Variants in GALNT17 observed in about 807,000 individuals in gnomAD.
GALNT17 encodes UDP-GalNAc:polypeptide N-acetylgalactosaminyltransferase-like 3.
In GALNT17, 29 loss-of-function variants were observed where a neutral mutation model predicts 63.7. The observed-to-expected ratio is 0.46, with a 90% CI of 0.34 to 0.62. The LOEUF is 0.62. GALNT17 is among the 20% of genes least tolerant of loss of function. GALNT17 has a pLI of 0.01. For missense variants in GALNT17, 603 were observed against 799.6 expected (o/e 0.75, Z 2.97); for synonymous variants, 305 against 318.3 (o/e 0.96, Z 0.45).
chr7:71,251,973 G>A (rs1179792586), intron 1 of GALNT17, among the ~76,000 whole-genome samples: 1 of 152,114 alleles, frequency 6.6e-6, no homozygotes, highest in Non-Finnish European at 1.5e-5. Flanking sequence ...TGTGTAAACT[G>A]CACATTCAGC....
intron 5 of GALNT17, among the ~76,000 whole-genome samples, chr7:71,569,971 G>T (rs922258732): frequency 6.6e-5 from 10 of 151,672 alleles, no homozygotes; most frequent in African/African-American, 2.2e-4. Context: ...TTTCCACAGG[G>T]TCTAAACTAT....
intron 9 of GALNT17, among the ~76,000 whole-genome samples, chr7:71,677,957 G>C (rs1282855728): frequency 3.3e-5 from 5 of 152,052 alleles, no homozygotes. Context: ...AGCAATGCCA[G>C]ACAGGTTACT....
At chr7:71,682,616 C>T (rs1262651439) in intron 9 of GALNT17, among the ~76,000 whole-genome samples, 1 of 152,152 alleles carries the variant, frequency 6.6e-6, no homozygotes, top group Non-Finnish European at 1.5e-5. Context: ...GCAATCATAG[C>T]TCACTGCAGC....
intron 2 of GALNT17, among the ~76,000 whole-genome samples, chr7:71,350,717 T>C (rs1421563440): frequency 6.6e-6 from 1 of 152,198 alleles, no homozygotes; most frequent in African/African-American, 2.4e-5. Flanking sequence ...TTGGTATCCA[T>C]GAGGGGGTTC....
At chr7:71,584,160 T>C (rs1011122125) in intron 6 of GALNT17, among the ~76,000 whole-genome samples, 2 of 152,128 alleles carry the variant, frequency 1.3e-5, no homozygotes, top group South Asian at 4.2e-4. Flanking sequence ...AGGGCCTCCT[T>C]CTTAGAGTTT....
intron 6 of GALNT17, among the ~76,000 whole-genome samples, chr7:71,607,165 C>T (rs567712551): frequency 1.3e-5 from 2 of 152,114 alleles, no homozygotes; most frequent in African/African-American, 2.4e-5. Context: ...GAGTGAGACC[C>T]TACCTAAGAG....
At chr7:71,644,665 T>C (rs1248494069) in intron 6 of GALNT17, among the ~76,000 whole-genome samples, 1 of 151,642 alleles carries the variant, frequency 6.6e-6, no homozygotes, top group Non-Finnish European at 1.5e-5. Context: ...ACAGGAGGAT[T>C]GCTTAAGCCC....
chr7:71,489,496 A>T (rs1374898220), intron 5 of GALNT17, among the ~76,000 whole-genome samples: 2 of 152,228 alleles, frequency 1.3e-5, no homozygotes, highest in African/African-American at 4.8e-5. Flanking sequence ...GAGGATAAGA[A>T]AGCTATCACA....
At position 71,581,713 on chromosome 7, in the gene GALNT17, A is replaced by G. The variant is rs554406031; in HGVS notation, c.1080+10311A>G. Among the ~76,000 whole-genome samples, 14 of 152,286 alleles carry G rather than the reference A, an allele frequency of 9.2e-5. No homozygotes were observed. In the South Asian group the frequency reaches 2.7e-3, roughly 29 times the overall value. On this transcript the variant is annotated intron_variant, in intron 6 of 10. Transcript: ENST00000333538. ...TATCTCCCAGGCTTCCCAGCAACTGACTGCAATCCCCTAAATAGAGGACTC... is the reference window on the plus strand; with the variant it reads ...TATCTCCCAGGCTTCCCAGCAACTGGCTGCAATCCCCTAAATAGAGGACTC...
intron 5 of GALNT17, among the ~76,000 whole-genome samples, chr7:71,438,885 C>CTTTTTTT (rs199548314): frequency 1.4e-5 from 2 of 138,256 alleles, no homozygotes; most frequent in Non-Finnish European, 3.2e-5. Flanking sequence ...AAAAGATAGA[C>CTTTTTTT]TTTTTTTTTT....
At chr7:71,246,835 AAAAAG>A (rs1358106628) in intron 1 of GALNT17, among the ~76,000 whole-genome samples, 1 of 151,974 alleles carries the variant, frequency 6.6e-6, no homozygotes, top group East Asian at 1.9e-4. Flanking sequence ...TCTCAAAAAA[AAAAAG>A]AGATTATAAT....
intron 1 of GALNT17, among the ~76,000 whole-genome samples, chr7:71,159,413 C>T (rs1788298890): frequency 6.6e-6 from 1 of 151,400 alleles, no homozygotes; most frequent in Admixed American, 6.6e-5. Context: ...CCAAATCTTG[C>T]CCACATCTGT....
chr7:71,655,481 G>A (rs1285992766), intron 6 of GALNT17, among the ~76,000 whole-genome samples: 2 of 152,110 alleles, frequency 1.3e-5, no homozygotes, highest in Non-Finnish European at 2.9e-5. Context: ...CAGCCTCTGC[G>A]GTCTGCTGTT....
At chr7:71,416,636 G>A (rs570184317) in intron 4 of GALNT17, among the ~76,000 whole-genome samples, 1 of 151,920 alleles carries the variant, frequency 6.6e-6, no homozygotes, top group Non-Finnish European at 1.5e-5. Context: ...AAAAGAAAAC[G>A]GTGTATCAAT....
intron 6 of GALNT17, 55 bp from the exon 7 acceptor site, chr7:71,665,356 G>C: frequency 1.3e-6 from 2 of 1,539,574 alleles, no homozygotes; most frequent in East Asian, 2.3e-5. Flanking sequence ...CTTGGGGAGG[G>C]GGCATAGCCT....
chr7:71,552,089 G>A (rs537436973), intron 5 of GALNT17, among the ~76,000 whole-genome samples: 2 of 151,742 alleles, frequency 1.3e-5, no homozygotes, highest in African/African-American at 2.4e-5. Flanking sequence ...TTGTCACCCA[G>A]GCTGGAGTAC....
intron 1 of GALNT17, among the ~76,000 whole-genome samples, chr7:71,228,535 C>G (rs1261297718): frequency 6.6e-6 from 1 of 152,226 alleles, no homozygotes; most frequent in East Asian, 1.9e-4. Flanking sequence ...ATCAAGGTGT[C>G]AGCAGGGCTG....
At chr7:71,337,794 G>C (rs180675909) in intron 2 of GALNT17, among the ~76,000 whole-genome samples, 2 of 150,142 alleles carry the variant, frequency 1.3e-5, no homozygotes, top group African/African-American at 4.9e-5. Flanking sequence ...CTTGAACCAG[G>C]GAGGCAGAGG....
intron 5 of GALNT17, among the ~76,000 whole-genome samples, chr7:71,546,998 C>G (rs1388671566): frequency 6.6e-6 from 1 of 151,504 alleles, no homozygotes; most frequent in African/African-American, 2.4e-5. Context: ...TTTCTTTTTT[C>G]TTTTTTTTCT....
Sources: gnomAD v4.1 joint callset for allele counts (sites outside exome capture counted in the v4.1 genomes callset) on GRCh38, gnomAD v4.1.1 for gene constraint, MANE v1.5 for transcripts, NCBI Gene and HGNC (gene_info 2026-07-23, HGNC 2026-07-21) for gene names.